Variants in CEP95 observed in about 807,000 individuals in gnomAD.
CEP95 encodes the protein centrosomal protein of 95 kDa.
Under a neutral mutation model 111.2 loss-of-function variants are expected in CEP95, and 98 were observed. The ratio of observed to expected loss-of-function variants is 0.88; its 90% CI spans 0.75 to 1.04. CEP95 has a LOEUF of 1.04. Among genes scored for constraint, CEP95 ranks in the 50% least tolerant of loss-of-function variants. The pLI is 0.00. For missense variants in CEP95, 1,027 were observed against 977.2 expected (o/e 1.05, Z -0.68); for synonymous variants, 323 against 327.1 (o/e 0.99, Z 0.14).
intron 5 of CEP95, among the ~76,000 whole-genome samples, chr17:64,517,084 T>A (rs1308161335): frequency 6.6e-6 from 1 of 152,226 alleles, no homozygotes; most frequent in African/African-American, 2.4e-5. Flanking sequence ...TCTCATTCTG[T>A]TGCCCAGGCT....
chr17:64,522,760 A>G lies in CEP95; in HGVS notation c.774A>G (p.Arg258=), dbSNP rs782083499. Residue 258 remains arginine, a synonymous_variant, in exon 8 of 20, where the codon CGA becomes CGG. Transcript: ENST00000556440. The part of the protein sequence containing the change: ...PNARKLGEPI[R]AAIPLHPPYH... ...CTAGGAAGCTAGGGGAGCCTATCCG[A>G]GCAGCTATTCCTTTACATCCACCCT... 2.5e-6 allele frequency: 4 copies of G among 1,613,922 alleles called. No individual in the cohort carries two copies. Among genetic ancestry groups the G allele is most frequent in the Non-Finnish European group, 2.5e-6 (3 of 1,179,850 alleles).
At chr17:64,534,329 T>G in intron 16 of CEP95, 1 of 368,548 alleles carries the variant, frequency 2.7e-6, no homozygotes, top group African/African-American at 2.1e-5. Context: ...CCTGGTGGCA[T>G]GGGGAGTGAG....
chr17:64,527,868 G>GTATATA (rs565017430), intron 11 of CEP95, among the ~76,000 whole-genome samples: 6 of 120,694 alleles, frequency 5.0e-5, no homozygotes, highest in African/African-American at 1.4e-4. Flanking sequence ...GTGTGTGTGT[G>GTATATA]TGTATATATA....
intron 9 of CEP95, 39 bp from the exon 10 acceptor site, chr17:64,526,032 C>T (rs1967789857): frequency 6.3e-7 from 1 of 1,593,898 alleles, no homozygotes; most frequent in Admixed American, 1.8e-5. Flanking sequence ...ATAATAGACA[C>T]CTAGCTATTT....
intron 12 of CEP95, among the ~76,000 whole-genome samples, chr17:64,530,508 T>G (rs1468861930): frequency 0.015 from 3 of 202 alleles, no homozygotes; most frequent in African/African-American, 0.058. Flanking sequence ...TCTTTTGTAT[T>G]TTTTTTTTTT....
At chr17:64,534,555 CT>C in intron 16 of CEP95, 29 bp from the exon 17 acceptor site, 1 of 1,599,854 alleles carries the variant, frequency 6.3e-7, no homozygotes, top group Non-Finnish European at 8.6e-7. Context: ...TGTCCTTACC[CT>C]TCTCTTCCCT....
chr17:64,512,370 G>A (rs1259644232), intron 3 of CEP95, among the ~76,000 whole-genome samples: 4 of 152,124 alleles, frequency 2.6e-5, no homozygotes, highest in African/African-American at 9.7e-5. Context: ...GCTGAATTTT[G>A]AACCATGTTA....
At chr17:64,534,106 T>A in intron 16 of CEP95, 1 of 161,140 alleles carries the variant, frequency 6.2e-6, no homozygotes, top group South Asian at 1.7e-4. Context: ...GGTACTTTCC[T>A]GTGGAGGGAA....
In CEP95 at chr17:64,536,759, G is replaced by A. The variant is rs1555681636; in HGVS notation, c.2217+11G>A. 1 of 1,590,708 alleles carries A rather than the reference G, an allele frequency of 6.3e-7. No individual in the cohort carries two copies. Among genetic ancestry groups the A allele is most frequent in the Admixed American group, 1.9e-5 (1 of 52,572 alleles). On this transcript the variant is annotated intron_variant, in intron 18 of 19. Coordinates refer to ENST00000556440, the MANE Select transcript of CEP95 (RefSeq NM_138363.3). ...TACTATAAGGACCAGGTGGGCTCCT[G>A]GCACTTGCTTACGCTGTTGTGCTTA...
chr17:64,520,783 T>C (rs1967266160), intron 6 of CEP95, among the ~76,000 whole-genome samples: 4 of 152,230 alleles, frequency 2.6e-5, no homozygotes, highest in Admixed American at 2.6e-4. Context: ...AACTCTGGTG[T>C]CTATTCATAC....
At chr17:64,529,061 A>C (rs1359297003) in intron 11 of CEP95, among the ~76,000 whole-genome samples, 1 of 152,204 alleles carries the variant, frequency 6.6e-6, no homozygotes, top group Non-Finnish European at 1.5e-5. Context: ...CCACATGTTG[A>C]ATATCCAAAG....
Position 64,518,899 on chromosome 17 carries a change from C to T in CEP95, c.474-422C>T, listed in dbSNP as rs116545317. 4.5e-3 allele frequency among the ~76,000 whole-genome samples: 680 copies of T among 152,202 alleles called. 4 individuals carry two copies. Among genetic ancestry groups the T allele is most frequent in the African/African-American group, 8.2e-3 (339 of 41,524 alleles). On this transcript the variant is annotated intron_variant, in intron 5 of 19. Coordinates refer to ENST00000556440, the MANE Select transcript of CEP95 (RefSeq NM_138363.3). Reference sequence around the variant, plus strand: ...GTTTCACTATGTTGGCCAGGCTGGTCGCAAACCCTGACCTCAGGCAATCCA... The same window carrying T: ...GTTTCACTATGTTGGCCAGGCTGGTTGCAAACCCTGACCTCAGGCAATCCA...
At chr17:64,508,763 G>A (rs782297233) in intron 2 of CEP95, 43 bp downstream of exon 2, 15 of 1,141,664 alleles carry the variant, frequency 1.3e-5, no homozygotes, top group Non-Finnish European at 1.6e-5. Flanking sequence ...TATATCTTAG[G>A]CCAAAAGTTT....
chr17:64,507,170 GGGAGGCCTCGGGCTAGCCC>G, intron 1 of CEP95, 54 bp downstream of exon 1: 1 of 1,551,014 alleles, frequency 6.4e-7, no homozygotes, highest in Non-Finnish European at 8.7e-7. Flanking sequence ...TCCACCTCCA[GGGAGGCCTCGGGCTAGCCC>G]GGACTGGGTC....
At chr17:64,523,209 C>T (rs1967506500) in intron 8 of CEP95, among the ~76,000 whole-genome samples, 1 of 152,054 alleles carries the variant, frequency 6.6e-6, no homozygotes, top group Non-Finnish European at 1.5e-5. Context: ...TTATGTTGTG[C>T]CAGGCGCAGT....
intron 6 of CEP95, among the ~76,000 whole-genome samples, chr17:64,519,934 A>T (rs1471437230): frequency 6.6e-6 from 1 of 151,800 alleles, no homozygotes; most frequent in African/African-American, 2.4e-5. Context: ...CAATCATCCT[A>T]CTCCATCCTG....
At chr17:64,516,072 T>C (rs782682990) in intron 4 of CEP95, 14 of 151,892 alleles carry the variant, frequency 9.2e-5, no homozygotes, top group Non-Finnish European at 1.6e-4. Flanking sequence ...TAATAAATGT[T>C]AATTGATGTT....
chr17:64,532,543 T>A (rs781931738), intron 14 of CEP95: 184 of 985,052 alleles, frequency 1.9e-4, no homozygotes, highest in Non-Finnish European at 2.2e-4. Context: ...GGTTGAGGAG[T>A]CTTGTTTTAC....
At chr17:64,525,929 A>G (rs1555678997) in intron 9 of CEP95, 47 bp downstream of exon 9, 1 of 1,494,070 alleles carries the variant, frequency 6.7e-7, no homozygotes, top group Non-Finnish European at 9.0e-7. Context: ...TTACAAAGGA[A>G]TTTGAAAATG....
Sources: gnomAD v4.1 joint callset for allele counts (sites outside exome capture counted in the v4.1 genomes callset) on GRCh38, gnomAD v4.1.1 for gene constraint, MANE v1.5 for transcripts, NCBI Gene and HGNC (gene_info 2026-07-23, HGNC 2026-07-21) for gene names.